The following TMEM268 variants were observed in gnomAD, a reference collection of about 807,000 sequenced individuals.
The protein encoded by TMEM268 is transmembrane protein C9orf91.
A neutral mutation model predicts 39.1 loss-of-function variants in TMEM268; 24 were observed. The ratio of observed to expected loss-of-function variants is 0.61; its 90% CI spans 0.44 to 0.86. The LOEUF (loss-of-function observed/expected upper bound fraction) is 0.86. TMEM268 is among the 40% of genes least tolerant of loss of function. The probability of loss-of-function intolerance (pLI) is 0.00; values close to 1 mark genes in which losing one functional copy is unlikely to be tolerated. For synonymous variants in TMEM268, 176 were observed against 173.5 expected, an observed-to-expected ratio of 1.01 and a Z score of -0.12; for missense variants, 409 against 428.6, an observed-to-expected ratio of 0.95 and a Z score of 0.40.
intron 7 of TMEM268, among the ~76,000 whole-genome samples, chr9:114,637,486 G>A (rs1002426742): frequency 6.6e-6 from 1 of 151,860 alleles, no homozygotes; most frequent in Non-Finnish European, 1.5e-5. Context: ...TAGAGACGGG[G>A]TTTCACCATG....
chr9:114,636,575 A>T (rs992247587), intron 6 of TMEM268, among the ~76,000 whole-genome samples: 12 of 151,996 alleles, frequency 7.9e-5, no homozygotes, highest in African/African-American at 2.7e-4. Flanking sequence ...ATCTTGGCTT[A>T]CTGCAACCTT....
At chr9:114,641,935 C>T (rs755012224) in intron 8 of TMEM268, among the ~76,000 whole-genome samples, 42 of 151,790 alleles carry the variant, frequency 2.8e-4, no homozygotes, top group Non-Finnish European at 5.4e-4. Context: ...CCACTGTACC[C>T]GGCTGTACTG....
chr9:114,627,595 C>T (rs959452512), intron 4 of TMEM268, among the ~76,000 whole-genome samples: 8 of 152,106 alleles, frequency 5.3e-5, no homozygotes. Flanking sequence ...ACTCCCAGGT[C>T]CCACTTCTAG....
rs1165878003 is a variant in TMEM268, at chr9:114,645,965, TA to T, written c.*2653del. ...TTTTAAATTTTATTTAATTTTTATT[TA>T]TTTTTTTTTAAATGTAATTTTTTCA... On this transcript the variant is annotated 3_prime_UTR_variant, in exon 9 of 9. Coordinates refer to ENST00000288502, the MANE Select transcript of TMEM268 (RefSeq NM_153045.4). The T allele has an allele frequency of 2.0e-5, 3 of 152,144 alleles. No homozygotes were observed. Among genetic ancestry groups the T allele is most frequent in the Non-Finnish European group, 4.4e-5 (3 of 68,040 alleles). The allele number at this position is 152,144 out of a possible 1,614,324, so 9.4% of individuals were successfully genotyped here.
At chr9:114,609,037 C>T (rs1412791626), upstream of TMEM268, among the ~76,000 whole-genome samples, 4 of 152,170 alleles carry the variant, frequency 2.6e-5, no homozygotes, top group African/African-American at 4.8e-5. Flanking sequence ...AGGCCAGGTG[C>T]GGTGGCTTAC....
rs546762603 is a variant in TMEM268, at chr9:114,619,654, C to T, written c.106+2353C>T. On this transcript the variant is annotated intron_variant, in intron 2 of 8. Coordinates refer to ENST00000288502, the MANE Select transcript of TMEM268 (RefSeq NM_153045.4). ...CTGCTTGACTGCCTGCATTTTTGCA[C>T]TACCTTCCCTTCTTGCTTCTTGTTC... is the stretch of plus-strand genomic sequence containing the variant. Among the ~76,000 whole-genome samples the T allele has an allele frequency of 5.3e-5, 8 of 152,312 alleles. No individual in the cohort carries two copies. The South Asian group carries it at 1.4e-3, about 28-fold the overall frequency.
At chr9:114,629,636 A>G (rs965332311) in intron 5 of TMEM268, among the ~76,000 whole-genome samples, 1 of 152,178 alleles carries the variant, frequency 6.6e-6, no homozygotes, top group African/African-American at 2.4e-5. Context: ...TTTGGGGACC[A>G]TTTCTCTGCT....
At chr9:114,638,752 G>A in intron 8 of TMEM268, 26 bp downstream of exon 8, 3 of 1,507,072 alleles carry the variant, frequency 2.0e-6, no homozygotes, top group Non-Finnish European at 2.7e-6. Flanking sequence ...GCTTGTTGGG[G>A]CCATCTTCCC....
upstream of TMEM268, among the ~76,000 whole-genome samples, chr9:114,606,205 TTGTC>T (rs1223118253): frequency 6.6e-6 from 1 of 152,164 alleles, no homozygotes; most frequent in Non-Finnish European, 1.5e-5. Context: ...ACCCTGGCAC[TTGTC>T]TTTCTGTTCA....
Position 114,626,979 on chromosome 9 carries a change from G to T in TMEM268, c.297G>T (p.Ser99=). 6.2e-7 allele frequency: 1 copy of T among 1,613,194 alleles called. No individual in the cohort carries two copies. ...TGAGAAGATATATCATCTACAACTC[G>T]AGGCCTATGCGGCTGGCCTTTGCTG... ...PQVRRYIIYN[S]RPMRLAFAVV... is the part of the protein sequence containing the mutation. Residue 99 remains serine, a synonymous_variant, in exon 4 of 9, where the codon TCG becomes TCT. Coordinates refer to ENST00000288502, the MANE Select transcript of TMEM268 (RefSeq NM_153045.4).
intron 1 of TMEM268, among the ~76,000 whole-genome samples, chr9:114,614,381 G>A (rs1400818083): frequency 1.3e-5 from 2 of 152,214 alleles, no homozygotes; most frequent in Non-Finnish European, 2.9e-5. Flanking sequence ...GTCACACAGG[G>A]TCCCCCACTT....
intron 1 of TMEM268, among the ~76,000 whole-genome samples, chr9:114,614,887 A>G (rs995799032): frequency 2.9e-5 from 4 of 140,060 alleles, no homozygotes; most frequent in Non-Finnish European, 6.1e-5. Flanking sequence ...GACAGGTGTC[A>G]CTGCCTTTTT....
intron 8 of TMEM268, among the ~76,000 whole-genome samples, chr9:114,640,850 A>G (rs951195392): frequency 3.9e-5 from 6 of 151,992 alleles, no homozygotes; most frequent in Non-Finnish European, 5.9e-5. Context: ...ACTGGGCTCA[A>G]TGCTTTCTGT....
At position 114,643,491 on chromosome 9, in the gene TMEM268, T is replaced by C; in HGVS notation, c.*178T>C. On this transcript the variant is annotated 3_prime_UTR_variant, in exon 9 of 9. Transcript: ENST00000288502. Reference sequence around the variant, plus strand: ...CTCACTTCAGGGCCCAGCACAAAAATCCTTGTTTGACATCTCATGCTGACC... The same window carrying C: ...CTCACTTCAGGGCCCAGCACAAAAACCCTTGTTTGACATCTCATGCTGACC... 1.7e-6 allele frequency: 1 copy of C among 604,310 alleles called. No homozygotes were observed. Among genetic ancestry groups the C allele is most frequent in the Non-Finnish European group, 2.9e-6 (1 of 343,600 alleles). The allele number at this position is 604,310 out of a possible 1,614,324, so 37.4% of individuals were successfully genotyped here. A position where few individuals can be genotyped will look rare whatever the true frequency, so the allele number is the denominator to read the frequency against.
intron 1 of TMEM268, among the ~76,000 whole-genome samples, chr9:114,612,929 T>G (rs1489209683): frequency 6.6e-6 from 1 of 152,226 alleles, no homozygotes; most frequent in Non-Finnish European, 1.5e-5. Context: ...GAGAAGGTGC[T>G]TAGGAAATGT....
intron 2 of TMEM268, among the ~76,000 whole-genome samples, chr9:114,619,306 C>CACACACAG (rs1407873693): frequency 6.6e-6 from 1 of 151,868 alleles, no homozygotes; most frequent in Non-Finnish European, 1.5e-5. Context: ...CACACACACA[C>CACACACAG]ACACACACAC....
intron 6 of TMEM268, among the ~76,000 whole-genome samples, chr9:114,635,780 AT>A (rs1379143150): frequency 6.6e-6 from 1 of 152,178 alleles, no homozygotes; most frequent in African/African-American, 2.4e-5. Context: ...TGTCCTTCAG[AT>A]TCACTGGGGG....
At chr9:114,620,656 T>TGACAAGC (rs903453660) in intron 2 of TMEM268, among the ~76,000 whole-genome samples, 16 of 152,252 alleles carry the variant, frequency 1.1e-4, no homozygotes, top group Admixed American at 1.0e-3. Flanking sequence ...TTTTGAGTTG[T>TGACAAGC]GACAAGCTTG....
chr9:114,615,752 C>G (rs188221610), intron 1 of TMEM268, among the ~76,000 whole-genome samples: 1 of 152,066 alleles, frequency 6.6e-6, no homozygotes, highest in Non-Finnish European at 1.5e-5. Context: ...TGCAGTGGCA[C>G]GATCTCAGCT....
Sources: allele counts gnomAD v4.1 joint callset (sites outside exome capture counted in the v4.1 genomes callset), GRCh38; gene constraint gnomAD v4.1.1; transcripts MANE v1.5; gene names NCBI Gene and HGNC (gene_info 2026-07-23, HGNC 2026-07-21).